The following RGS6 variants were observed in gnomAD, a reference collection of about 807,000 sequenced individuals.
RGS6 encodes regulator of G protein signaling 6.
A neutral mutation model predicts 78.5 loss-of-function variants in RGS6; 30 were observed. The ratio of observed to expected loss-of-function variants is 0.38; its 90% CI spans 0.29 to 0.52. The LOEUF (loss-of-function observed/expected upper bound fraction) is 0.52, where lower values mean the gene tolerates loss of function less well. Among genes scored for constraint, RGS6 ranks in the 20% least tolerant of loss-of-function variants. RGS6 has a pLI of 0.85. For synonymous variants in RGS6, 206 were observed against 206.0 expected, an observed-to-expected ratio of 1.00 and a Z score of 0.00; for missense variants, 495 against 609.7, an observed-to-expected ratio of 0.81 and a Z score of 1.98.
At chr14:72,207,170 CCTTTTTCTATAGAT>C (rs1458457184) in intron 2 of RGS6, among the ~76,000 whole-genome samples, 1 of 152,136 alleles carries the variant, frequency 6.6e-6, no homozygotes. Flanking sequence ...ATCTTCCATA[CCTTTTTCTATAGAT>C]GTATTGTTTG....
At chr14:72,301,301 A>T (rs1285782262) in intron 2 of RGS6, among the ~76,000 whole-genome samples, 1 of 152,190 alleles carries the variant, frequency 6.6e-6, no homozygotes, top group Non-Finnish European at 1.5e-5. Flanking sequence ...TAGTGAAGTA[A>T]ATGTGTGTGC....
At chr14:72,190,583 C>T (rs1468804920) in intron 2 of RGS6, among the ~76,000 whole-genome samples, 1 of 152,188 alleles carries the variant, frequency 6.6e-6, no homozygotes, top group Admixed American at 6.5e-5. Flanking sequence ...CAACAGGCTA[C>T]ACCTGGACAG....
At chr14:72,413,090 G>C (rs966637874) in intron 3 of RGS6, among the ~76,000 whole-genome samples, 3 of 152,204 alleles carry the variant, frequency 2.0e-5, no homozygotes, top group Non-Finnish European at 4.4e-5. Flanking sequence ...AGGTCCGCTT[G>C]GTGCAGACCT....
At position 72,246,636 on chromosome 14, in the gene RGS6, G is replaced by A. The variant is rs186125058; in HGVS notation, c.85-105459G>A. 8.4e-3 allele frequency among the ~76,000 whole-genome samples: 1,274 copies of A among 152,188 alleles called. 11 individuals are homozygous for A. The highest frequency in any genetic ancestry group is 0.014 in the Non-Finnish European group (952 of 68,014). ...TTAAGAATATTATTGAAGGCTTGGCGCAGTGGCTCATGCCTGTAATCCCAG... is the reference window on the plus strand; with the variant it reads ...TTAAGAATATTATTGAAGGCTTGGCACAGTGGCTCATGCCTGTAATCCCAG... On this transcript the variant is annotated intron_variant, in intron 2 of 17. Transcript: ENST00000553525.
chr14:72,375,650 G>A (rs2084517336), intron 3 of RGS6, among the ~76,000 whole-genome samples: 1 of 152,152 alleles, frequency 6.6e-6, no homozygotes, highest in African/African-American at 2.4e-5. Flanking sequence ...GCAGACATAT[G>A]CCTCCAATCT....
At chr14:72,599,626 A>G in the RGS6 span, among the ~76,000 whole-genome samples, 5 of 130,444 alleles carry the variant, frequency 3.8e-5, no homozygotes, top group Non-Finnish European at 6.3e-5. Context: ...GGGTTTTACC[A>G]TGTTAGCCAG....
chr14:72,155,422 C>T (rs1214071247), intron 2 of RGS6, among the ~76,000 whole-genome samples: 2 of 152,196 alleles, frequency 1.3e-5, no homozygotes, highest in African/African-American at 4.8e-5. Flanking sequence ...CCAGCTTATT[C>T]AACCTCCCAC....
intron 2 of RGS6, among the ~76,000 whole-genome samples, chr14:72,292,883 G>C (rs1208079617): frequency 6.6e-6 from 1 of 152,148 alleles, no homozygotes; most frequent in Non-Finnish European, 1.5e-5. Flanking sequence ...ACCTTGACAT[G>C]GGCTGATGGA....
intron 2 of RGS6, among the ~76,000 whole-genome samples, chr14:72,215,950 C>T (rs897043186): frequency 3.3e-5 from 5 of 152,120 alleles, no homozygotes; most frequent in African/African-American, 1.2e-4. Flanking sequence ...GAAGAGGAAC[C>T]CCTACTTTAT....
At chr14:72,357,642 A>T (rs560160481) in intron 3 of RGS6, among the ~76,000 whole-genome samples, 1 of 152,192 alleles carries the variant, frequency 6.6e-6, no homozygotes, top group Non-Finnish European at 1.5e-5. Flanking sequence ...ATGATTTAGG[A>T]TATCTGGCAG....
chr14:72,615,274 G>A, the RGS6 span, among the ~76,000 whole-genome samples: 1 of 152,182 alleles, frequency 6.6e-6, no homozygotes, highest in South Asian at 2.1e-4. Flanking sequence ...GACCCAAAGA[G>A]GAGACTATAA....
chr14:72,040,508 A>G (rs1168622544), intron 2 of RGS6, among the ~76,000 whole-genome samples: 2 of 151,968 alleles, frequency 1.3e-5, no homozygotes, highest in Non-Finnish European at 2.9e-5. Flanking sequence ...CATGTACATG[A>G]TGACTTACTT....
chr14:72,056,413 A>G (rs1477112764), intron 2 of RGS6, among the ~76,000 whole-genome samples: 2 of 152,188 alleles, frequency 1.3e-5, no homozygotes, highest in African/African-American at 4.8e-5. Flanking sequence ...ACAGCCTTTA[A>G]TCTCCTACCC....
At chr14:72,548,177 T>C (rs886385008) in intron 17 of RGS6, among the ~76,000 whole-genome samples, 2 of 152,212 alleles carry the variant, frequency 1.3e-5, no homozygotes, top group African/African-American at 2.4e-5. Flanking sequence ...TTTTGATGAC[T>C]TGGATGAAGA....
chr14:72,159,810 TAAATG>T (rs1413284421), intron 2 of RGS6, among the ~76,000 whole-genome samples: 1 of 152,100 alleles, frequency 6.6e-6, no homozygotes, highest in Non-Finnish European at 1.5e-5. Context: ...ACACCAAAAA[TAAATG>T]GGGAGAAATC....
chr14:72,107,592 T>A (rs1451438622), intron 2 of RGS6, among the ~76,000 whole-genome samples: 1 of 152,170 alleles, frequency 6.6e-6, no homozygotes. Flanking sequence ...TGGGCAAAAC[T>A]GGGAAATATC....
At chr14:72,377,558 G>A (rs993670832) in intron 3 of RGS6, among the ~76,000 whole-genome samples, 3 of 152,060 alleles carry the variant, frequency 2.0e-5, no homozygotes, top group Non-Finnish European at 2.9e-5. Flanking sequence ...TAAACCTAAC[G>A]ACATTTACAG....
chr14:72,273,255 A>T (rs187486681), intron 2 of RGS6, among the ~76,000 whole-genome samples: 1 of 152,326 alleles, frequency 6.6e-6, no homozygotes, highest in East Asian at 1.9e-4. Context: ...CATTATGGGT[A>T]AGAAACTTGA....
the RGS6 span, among the ~76,000 whole-genome samples, chr14:71,890,020 C>T: frequency 3.5e-4 from 53 of 152,286 alleles, no homozygotes; most frequent in Admixed American, 5.9e-4. Context: ...ACTTTGCCTT[C>T]TGCCATGATT....
Sources: allele counts gnomAD v4.1 joint callset (sites outside exome capture counted in the v4.1 genomes callset), GRCh38; gene constraint gnomAD v4.1.1; transcripts MANE v1.5; gene names NCBI Gene and HGNC (gene_info 2026-07-23, HGNC 2026-07-21).